Variants in NDNF observed in about 807,000 individuals in gnomAD.
The protein encoded by NDNF is protein NDNF.
Under a neutral mutation model 42.0 loss-of-function variants are expected in NDNF, and 16 were observed. The observed-to-expected ratio is 0.38, with a 90% CI of 0.26 to 0.58. The LOEUF is 0.58. NDNF is among the 20% of genes least tolerant of loss of function. The probability of loss-of-function intolerance (pLI) is 0.67; values close to 1 mark genes in which losing one functional copy is unlikely to be tolerated. For synonymous variants in NDNF, 248 were observed against 251.7 expected, an observed-to-expected ratio of 0.99 and a Z score of 0.14; for missense variants, 616 against 666.2, an observed-to-expected ratio of 0.92 and a Z score of 0.83.
chr4:121,069,563 C>T (rs2148773975), intron 1 of NDNF, among the ~76,000 whole-genome samples: 1 of 152,296 alleles, frequency 6.6e-6, no homozygotes, highest in East Asian at 1.9e-4. Context: ...GTTACTGCCA[C>T]ACTAAGCCTA....
intron 3 of NDNF, chr4:121,038,232 G>A (rs1213872558): frequency 6.6e-6 from 1 of 152,424 alleles, no homozygotes; most frequent in Non-Finnish European, 1.5e-5. Context: ...GCACATGCTT[G>A]TAGTCCCAGG....
chr4:121,056,775 T>C (rs1022955223), intron 1 of NDNF, among the ~76,000 whole-genome samples: 2 of 152,240 alleles, frequency 1.3e-5, no homozygotes, highest in Non-Finnish European at 2.9e-5. Flanking sequence ...TCTGTTCTTA[T>C]AACAAACCTG....
chr4:121,063,497 C>T (rs921103407), intron 1 of NDNF, among the ~76,000 whole-genome samples: 1 of 152,094 alleles, frequency 6.6e-6, no homozygotes, highest in Non-Finnish European at 1.5e-5. Flanking sequence ...TCAAACTCAA[C>T]AAATAGCATA....
At chr4:121,060,706 G>C (rs1260092611) in intron 1 of NDNF, among the ~76,000 whole-genome samples, 1 of 152,144 alleles carries the variant, frequency 6.6e-6, no homozygotes, top group African/African-American at 2.4e-5. Context: ...ATAATAAATT[G>C]AATAGAGTAA....
At chr4:121,039,750 T>A (rs1726963167) in intron 3 of NDNF, among the ~76,000 whole-genome samples, 180 bp downstream of exon 3, 1 of 152,188 alleles carries the variant, frequency 6.6e-6, no homozygotes. Context: ...ACCTTTTATT[T>A]TATCAGGATC....
intron 1 of NDNF, among the ~76,000 whole-genome samples, chr4:121,066,764 T>A (rs1727506032): frequency 6.6e-6 from 1 of 152,256 alleles, no homozygotes; most frequent in African/African-American, 2.4e-5. Flanking sequence ...ATAACAGCAT[T>A]GCCTCAGAAG....
intron 1 of NDNF, among the ~76,000 whole-genome samples, chr4:121,048,136 T>C (rs1056744193): frequency 1.3e-5 from 2 of 152,192 alleles, no homozygotes; most frequent in African/African-American, 4.8e-5. Context: ...ACATGCCACA[T>C]GCAATTCTAC....
chr4:121,047,249 G>A lies in NDNF; in HGVS notation c.-1-1411C>T, dbSNP rs544924532. 2.6e-5 allele frequency among the ~76,000 whole-genome samples: 4 copies of A among 152,254 alleles called. No homozygotes were observed. The East Asian group carries it at 7.7e-4, about 29-fold the overall frequency. On this transcript the variant is annotated intron_variant, in intron 1 of 3. Transcript: ENST00000379692. ...ACATGAGAGTTGGATTTTTCACAAC[G>A]AGCTTGTGCAAAATGCATTTTACTT...
chr4:121,040,882 T>C (rs2148763860), intron 2 of NDNF, among the ~76,000 whole-genome samples: 1 of 152,324 alleles, frequency 6.6e-6, no homozygotes, highest in Admixed American at 6.5e-5. Flanking sequence ...TGGCCTCCAG[T>C]GATCCTCCTG....
At chr4:121,039,131 TTATATATATATGTG>T (rs1356501487) in intron 3 of NDNF, 1,773 of 57,568 alleles carry the variant, frequency 0.031, 172 homozygotes, top group East Asian at 0.038. Context: ...GTATACATAG[TTATATATATATGTG>T]TATATATATA....
intron 2 of NDNF, among the ~76,000 whole-genome samples, chr4:121,044,273 A>T (rs1047940289): frequency 1.3e-5 from 2 of 152,176 alleles, no homozygotes; most frequent in Non-Finnish European, 2.9e-5. Context: ...ATCAAAACTG[A>T]AAAGATGACT....
chr4:121,041,117 C>T (rs555984202), intron 2 of NDNF, among the ~76,000 whole-genome samples: 1 of 152,346 alleles, frequency 6.6e-6, no homozygotes, highest in South Asian at 2.1e-4. Flanking sequence ...ATGTTCTACT[C>T]TGTGCTTTCC....
At chr4:121,055,907 C>T (rs374550243) in intron 1 of NDNF, among the ~76,000 whole-genome samples, 4 of 152,032 alleles carry the variant, frequency 2.6e-5, no homozygotes, top group Admixed American at 1.3e-4. Flanking sequence ...TTGAAAGTAC[C>T]CAGAGAAGAA....
chr4:121,052,682 G>A (rs911973024), intron 1 of NDNF, among the ~76,000 whole-genome samples: 6 of 152,332 alleles, frequency 3.9e-5, no homozygotes, highest in Non-Finnish European at 8.8e-5. Context: ...AGCAAGCGAA[G>A]AGGACTGCAC....
chr4:121,061,374 G>A (rs1727404066), intron 1 of NDNF: 1 of 153,276 alleles, frequency 6.5e-6, no homozygotes, highest in East Asian at 1.9e-4. Context: ...TGCACATGGA[G>A]CAGGGAGGAA....
At chr4:121,057,876 C>G (rs530848974) in intron 1 of NDNF, among the ~76,000 whole-genome samples, 1 of 152,256 alleles carries the variant, frequency 6.6e-6, no homozygotes, top group South Asian at 2.1e-4. Context: ...TCCCTGTACA[C>G]TGTCAATAAG....
intron 1 of NDNF, among the ~76,000 whole-genome samples, chr4:121,067,297 T>A (rs964506307): frequency 2.0e-5 from 3 of 152,152 alleles, no homozygotes; most frequent in African/African-American, 7.2e-5. Context: ...CTAGCCACAT[T>A]TTTTTAAAGA....
intron 3 of NDNF, among the ~76,000 whole-genome samples, chr4:121,039,178 A>G (rs539483286): frequency 4.7e-4 from 31 of 66,634 alleles, no homozygotes; most frequent in African/African-American, 2.6e-3. Context: ...TATAAAGACT[A>G]TGTGTGTGTG....
Position 121,036,313 on chromosome 4 carries a change from T to G in NDNF, c.1658A>C (p.His553Pro), listed in dbSNP as rs781733721. 1 of 1,613,622 alleles carries G rather than the reference T, an allele frequency of 6.2e-7. No individual in the cohort carries two copies. The highest frequency in any genetic ancestry group is 1.1e-5 in the South Asian group (1 of 90,914). ...LDVYVIGHGG[H>P]SVKYQSKVVK... ...AACCTTACTCTGATACTTTACAGAG[T>G]GCCCCCCATGTCCTATGACATAAAC... Residue 553 changes from histidine to proline, a missense_variant, in exon 4 of 4, where the codon CAC becomes CCC. Coordinates refer to ENST00000379692, the MANE Select transcript of NDNF (RefSeq NM_024574.4).
Sources: gnomAD v4.1 joint callset for allele counts (sites outside exome capture counted in the v4.1 genomes callset) on GRCh38, gnomAD v4.1.1 for gene constraint, MANE v1.5 for transcripts, NCBI Gene and HGNC (gene_info 2026-07-23, HGNC 2026-07-21) for gene names.